JAM2: variants seen among roughly 807,000 people sequenced by gnomAD.
JAM2 encodes the protein junctional adhesion molecule 2, also known as junctional adhesion molecule B.
In JAM2, 17 loss-of-function variants were observed where a neutral mutation model predicts 42.0. The observed-to-expected ratio is 0.40, with a 90% CI of 0.28 to 0.61. The LOEUF (loss-of-function observed/expected upper bound fraction) is 0.61, where lower values mean the gene tolerates loss of function less well. JAM2 is among the 20% of genes least tolerant of loss of function. The pLI, the probability that JAM2 is intolerant of heterozygous loss-of-function variation, is 0.37. For synonymous variants in JAM2, 118 were observed against 128.6 expected, an observed-to-expected ratio of 0.92 and a Z score of 0.56; for missense variants, 319 against 358.3, an observed-to-expected ratio of 0.89 and a Z score of 0.89.
chr21:25,691,797 A>G (rs1269974121), intron 3 of JAM2, among the ~76,000 whole-genome samples: 1 of 152,152 alleles, frequency 6.6e-6, no homozygotes, highest in East Asian at 1.9e-4. Flanking sequence ...TGGGAAGCCA[A>G]GGCATGCGGA....
intron 1 of JAM2, among the ~76,000 whole-genome samples, chr21:25,666,042 AAAT>A (rs770739924): frequency 6.6e-6 from 1 of 151,880 alleles, no homozygotes; most frequent in South Asian, 2.1e-4. Context: ...ACCATCTCAA[AAAT>A]AATAATAATA....
Position 25,698,766 on chromosome 21 carries a change from C to G in JAM2, c.484C>G (p.Pro162Ala). ...ACGATGTCAAGACAAAGAAGGGAAT[C>G]CAGCTCCTGAATACACATGGTTTAA... ...ELRCQDKEGN[P>A]APEYTWFKDG... Residue 162 changes from proline to alanine, a missense_variant, in exon 5 of 10, where the codon CCA (proline) becomes GCA (alanine). By Grantham distance (27) the Pro-to-Ala change is conservative. Transcript: ENST00000480456. 1 of 1,614,088 alleles carries G rather than the reference C, an allele frequency of 6.2e-7. No homozygotes were observed. The highest frequency in any genetic ancestry group is 8.5e-7 in the Non-Finnish European group (1 of 1,179,980).
intron 2 of JAM2, among the ~76,000 whole-genome samples, chr21:25,689,444 C>T (rs1405531299): frequency 6.6e-6 from 1 of 152,150 alleles, no homozygotes. Context: ...GGCTGAAACG[C>T]CATTATCTTA....
intron 9 of JAM2, among the ~76,000 whole-genome samples, chr21:25,713,681 G>A (rs1345041191): frequency 1.4e-4 from 21 of 152,132 alleles, no homozygotes; most frequent in Non-Finnish European, 2.6e-4. Flanking sequence ...TTATTTTGTG[G>A]TTTACTACAC....
At chr21:25,712,194 T>A (rs1437010139) in intron 8 of JAM2, 146 bp from the exon 9 acceptor site, 1 of 676,564 alleles carries the variant, frequency 1.5e-6, no homozygotes, top group South Asian at 1.5e-5. Context: ...AGAAATTCAG[T>A]AAGAATTGTC....
chr21:25,702,195 A>G lies in JAM2; in HGVS notation c.623A>G (p.Asp208Gly). Residue 208 changes from aspartate (D) to glycine (G), a missense_variant, in exon 6 of 10, where the codon GAC (aspartate) becomes GGC (glycine). By Grantham distance (94) the Asp-to-Gly change is moderately conservative. Coordinates refer to ENST00000480456, the MANE Select transcript of JAM2 (RefSeq NM_021219.4). ...CAATTTAATACTGTTTCCAAACTGG[A>G]CACTGGAGAATATTCCTGTGAAGCC... The part of the protein sequence containing the change: ...TLQFNTVSKL[D>G]TGEYSCEARN... 6.3e-7 allele frequency: 1 copy of G among 1,588,610 alleles called. No individual in the cohort carries two copies. The highest frequency in any genetic ancestry group is 8.6e-7 in the Non-Finnish European group (1 of 1,160,896).
rs764658455 is a variant in JAM2, at chr21:25,714,690, T to C, written c.*18T>C. The C allele has an allele frequency of 2.0e-6, 3 of 1,481,750 alleles. No individual in the cohort carries two copies. Among genetic ancestry groups the C allele is most frequent in the South Asian group, 1.3e-5 (1 of 76,056 alleles). 91.8% of individuals were successfully genotyped at this position (1,481,750 alleles called of 1,614,324 possible). On this transcript the variant is annotated 3_prime_UTR_variant, in exon 10 of 10. Coordinates refer to ENST00000480456, the MANE Select transcript of JAM2 (RefSeq NM_021219.4). ...TAATTTAAAGACTCCACTTTAGAGA[T>C]ACACCAAAGCCACCGTTGTTACACA...
At chr21:25,690,338 T>C (rs1601039447) in intron 3 of JAM2, among the ~76,000 whole-genome samples, 1 of 151,942 alleles carries the variant, frequency 6.6e-6, no homozygotes, top group Non-Finnish European at 1.5e-5. Flanking sequence ...TTTCTTGCCT[T>C]TCTTTCTTTT....
intron 3 of JAM2, among the ~76,000 whole-genome samples, chr21:25,691,161 ATG>A (rs1317404352): frequency 6.6e-6 from 1 of 152,246 alleles, no homozygotes; most frequent in Non-Finnish European, 1.5e-5. Context: ...TTAAAATACT[ATG>A]TATTTCTTTA....
intron 5 of JAM2, among the ~76,000 whole-genome samples, chr21:25,701,757 C>T (rs142385151): frequency 3.5e-4 from 54 of 152,266 alleles, no homozygotes; most frequent in East Asian, 1.9e-4. Flanking sequence ...GCAGTGAACT[C>T]GCTTGTGACT....
At chr21:25,692,739 G>A (rs2033909904) in intron 3 of JAM2, among the ~76,000 whole-genome samples, 1 of 151,980 alleles carries the variant, frequency 6.6e-6, no homozygotes, top group Non-Finnish European at 1.5e-5. Flanking sequence ...TGTTACATTA[G>A]AAAAAGGTCA....
chr21:25,640,065 G>C (rs1331436409), intron 1 of JAM2, among the ~76,000 whole-genome samples, 177 bp downstream of exon 1: 1 of 152,228 alleles, frequency 6.6e-6, no homozygotes. Flanking sequence ...GCGGACGCTG[G>C]GAGCAAGGGA....
intron 1 of JAM2, among the ~76,000 whole-genome samples, chr21:25,668,641 G>A (rs1202516757): frequency 6.6e-6 from 1 of 152,232 alleles, no homozygotes; most frequent in Admixed American, 6.5e-5. Context: ...TGGATGTAGA[G>A]TTTGAAATGT....
At chr21:25,692,035 A>C (rs2033893791) in intron 3 of JAM2, 1 of 152,966 alleles carries the variant, frequency 6.5e-6, no homozygotes, top group African/African-American at 2.4e-5. Flanking sequence ...TACATACATA[A>C]TGTGGAAGGG....
At chr21:25,656,546 G>A (rs1404677621) in intron 1 of JAM2, among the ~76,000 whole-genome samples, 4 of 152,142 alleles carry the variant, frequency 2.6e-5, no homozygotes, top group Admixed American at 1.3e-4. Context: ...AGAAGTAGAG[G>A]CATTTAGCAG....
intron 1 of JAM2, among the ~76,000 whole-genome samples, chr21:25,660,775 TATA>T: frequency 1.4e-5 from 1 of 71,112 alleles, no homozygotes; most frequent in African/African-American, 7.4e-5. Context: ...TATATATATA[TATA>T]TATATTTTTT....
intron 1 of JAM2, among the ~76,000 whole-genome samples, chr21:25,650,656 T>C (rs2032749168): frequency 6.6e-6 from 1 of 152,208 alleles, no homozygotes; most frequent in Admixed American, 6.5e-5. Flanking sequence ...AAACATATAA[T>C]ACATAGAATA....
At chr21:25,709,325 T>C (rs1032604595) in intron 7 of JAM2, 109 bp from the exon 8 acceptor site, 1 of 615,854 alleles carries the variant, frequency 1.6e-6, no homozygotes. Flanking sequence ...CGTCAGCAAG[T>C]GAAGATTAAA....
At chr21:25,714,576 A>G in intron 9 of JAM2, 64 bp from the exon 10 acceptor site, 2 of 995,876 alleles carry the variant, frequency 2.0e-6, no homozygotes, top group Non-Finnish European at 3.0e-6. Flanking sequence ...TGATATTCAT[A>G]AGATTTATGT....
Sources: allele counts gnomAD v4.1 joint callset (sites outside exome capture counted in the v4.1 genomes callset), GRCh38; gene constraint gnomAD v4.1.1; transcripts MANE v1.5; gene names NCBI Gene and HGNC (gene_info 2026-07-23, HGNC 2026-07-21).